The following FHIP2B variants were observed in gnomAD, a reference collection of about 807,000 sequenced individuals.
FHIP2B encodes the protein FHF complex subunit HOOK interacting protein 2B.
Under a neutral mutation model 84.0 loss-of-function variants are expected in FHIP2B, and 72 were observed. The ratio of observed to expected loss-of-function variants is 0.86; its 90% CI spans 0.71 to 1.04. FHIP2B has a LOEUF of 1.04. Ranked by LOEUF, FHIP2B falls within the 50% of genes least tolerant of loss-of-function variation. FHIP2B has a pLI of 0.00. For synonymous variants in FHIP2B, 497 were observed against 418.7 expected, an observed-to-expected ratio of 1.19 and a Z score of -2.28; for missense variants, 972 against 968.9, an observed-to-expected ratio of 1.00 and a Z score of -0.04.
At chr8:22,089,888 C>G (rs1032043229) in intron 1 of FHIP2B, 21 of 1,238,756 alleles carry the variant, frequency 1.7e-5, no homozygotes, top group Non-Finnish European at 2.1e-5. Context: ...GGGCCCCCAG[C>G]CGGGGAAATC....
chr8:22,090,052 C>T (rs1825392921), intron 1 of FHIP2B, among the ~76,000 whole-genome samples: 1 of 145,992 alleles, frequency 6.8e-6, no homozygotes, highest in African/African-American at 2.5e-5. Flanking sequence ...GTGTTTTTGC[C>T]ATTTTTTGTT....
At chr8:22,094,396 G>A (rs765044215) in intron 1 of FHIP2B, 44 bp from the exon 2 acceptor site, 1 of 1,549,678 alleles carries the variant, frequency 6.5e-7, no homozygotes, top group Admixed American at 2.0e-5. Context: ...GGGGCTCCCT[G>A]GCCTTTGTGG....
chr8:22,102,362 G>GA, intron 15 of FHIP2B, 47 bp downstream of exon 15: 1 of 1,459,626 alleles, frequency 6.9e-7, no homozygotes. Context: ...AGGTGGAGGG[G>GA]ACATCAGGGA....
chr8:22,102,888 A>G lies in FHIP2B; in HGVS notation c.2189A>G (p.Asp730Gly), dbSNP rs770581738. The G allele has an allele frequency of 1.2e-6, 2 of 1,613,486 alleles. No individual in the cohort carries two copies. Among genetic ancestry groups the G allele is most frequent in the Admixed American group, 3.3e-5 (2 of 60,002 alleles). Residue 730 changes from aspartate to glycine, a missense_variant, in exon 17 of 17, where the codon GAT becomes GGT. By Grantham distance (94) the Asp-to-Gly change is moderately conservative. Coordinates refer to ENST00000289921, the MANE Select transcript of FHIP2B (RefSeq NM_022749.7). ...AIAFVKFPPH[D>G]PRQNVSPAPE... ...GCCTTCGTCAAGTTTCCCCCACATG[A>G]TCCTCGCCAGAACGTCTCCCCAGCC...
chr8:22,098,996 C>G lies in FHIP2B; in HGVS notation c.1014C>G (p.Ala338=). The G allele has an allele frequency of 9.3e-6, 15 of 1,608,592 alleles. 1 individual carries two copies. Among genetic ancestry groups the G allele is most frequent in the Non-Finnish European group, 1.2e-5 (14 of 1,177,504 alleles). ...AGGCTTCCTTCCCTGGCAAGGAGGC[C>G]TTGGCTGCCTTCTTGGGCTGGTTTG... is the stretch of plus-strand genomic sequence containing the variant. ...SDEASFPGKE[A]LAAFLGWFDY... The change falls in exon 8 of 17, where the codon GCC becomes GCG. Residue 338 remains alanine, a synonymous_variant. Transcript: ENST00000289921.
intron 1 of FHIP2B, among the ~76,000 whole-genome samples, chr8:22,091,016 G>C (rs966795487): frequency 1.3e-5 from 2 of 152,044 alleles, no homozygotes; most frequent in African/African-American, 4.8e-5. Context: ...GTGATCTTCC[G>C]GGCCCTTTAG....
chr8:22,094,463 G>A lies in FHIP2B; in HGVS notation c.69G>A (p.Leu23=), dbSNP rs1434385889. ...VGAREPSIDL[L]QAFVEHWKGI... is the part of the protein sequence containing the mutation. ...AGCGCGAGCCCAGCATTGACCTGCT[G>A]CAGGCCTTCGTGGAGCACTGGAAGG... Residue 23 remains leucine, a synonymous_variant, in exon 2 of 17, where the codon CTG becomes CTA. Transcript: ENST00000289921. 6.2e-7 allele frequency: 1 copy of A among 1,611,248 alleles called. No individual in the cohort carries two copies. Among genetic ancestry groups the A allele is most frequent in the African/African-American group, 1.3e-5 (1 of 74,682 alleles).
At chr8:22,098,693 TC>T (rs1262676208) in intron 7 of FHIP2B, 74 bp downstream of exon 7, 1 of 1,415,974 alleles carries the variant, frequency 7.1e-7, no homozygotes, top group Non-Finnish European at 9.4e-7. Flanking sequence ...GGTGGCCAGC[TC>T]CCCTGGGGTT....
At chr8:22,097,475 A>G (rs1387615889) in intron 3 of FHIP2B, 41 bp from the exon 4 acceptor site, 2 of 1,505,916 alleles carry the variant, frequency 1.3e-6, no homozygotes, top group Non-Finnish European at 1.8e-6. Context: ...TGCGGCAGGC[A>G]GGGGACACGG....
At chr8:22,089,746 G>T (rs1402733687) in intron 1 of FHIP2B, 3 of 1,259,810 alleles carry the variant, frequency 2.4e-6, no homozygotes, top group Non-Finnish European at 3.1e-6. Flanking sequence ...CCTTCCCCTC[G>T]GTCTGATCTC....
rs1049689528 is a variant in FHIP2B, at chr8:22,099,647, C to T, written c.1152-57C>T. ...GGCAAGCAGGAAGGGTTCGGCCACC[C>T]GCACTCATGTGCTGTCTGCACACAC... On this transcript the variant is annotated intron_variant, in intron 9 of 16. Coordinates refer to ENST00000289921, the MANE Select transcript of FHIP2B (RefSeq NM_022749.7). 40 of 1,505,000 alleles carry T rather than the reference C, an allele frequency of 2.7e-5. No individual in the cohort carries two copies. In the Admixed American group the frequency reaches 4.1e-4, roughly 15 times the overall value. The allele number at this position is 1,505,000 out of a possible 1,614,324, so 93.2% of individuals were successfully genotyped here.
At chr8:22,090,081 G>A (rs1315392180) in intron 1 of FHIP2B, among the ~76,000 whole-genome samples, 3 of 143,966 alleles carry the variant, frequency 2.1e-5, no homozygotes, top group Non-Finnish European at 4.5e-5. Context: ...AGGCTGGCAG[G>A]CAGCCTACTA....
chr8:22,093,166 G>A (rs896639862), intron 1 of FHIP2B, among the ~76,000 whole-genome samples: 2 of 152,160 alleles, frequency 1.3e-5, no homozygotes, highest in Non-Finnish European at 2.9e-5. Flanking sequence ...GGACTTTCAC[G>A]ATCCAGACAG....
At position 22,100,659 on chromosome 8, in the gene FHIP2B, C is replaced by G. The variant is rs751151199; in HGVS notation, c.1407C>G (p.His469Gln). The G allele has an allele frequency of 6.2e-7, 1 of 1,605,394 alleles. No individual in the cohort carries two copies. Among genetic ancestry groups the G allele is most frequent in the Non-Finnish European group, 8.5e-7 (1 of 1,175,278 alleles). ...LLQKPHEGII[H>Q]SLVLRNLEGR... ...AGAAGCCCCACGAGGGGATCATCCA[C>G]AGCCTGGTCCTGCGCAACCTTGAGG... Residue 469 changes from histidine to glutamine, a missense_variant, in exon 11 of 17, where the codon CAC becomes CAG. His to Gln is a conservative substitution (Grantham distance 24). Transcript: ENST00000289921.
intron 1 of FHIP2B, chr8:22,089,800 C>T (rs1180135315): frequency 7.8e-6 from 10 of 1,286,420 alleles, no homozygotes; most frequent in African/African-American, 1.5e-5. Context: ...ACGCCCTTCC[C>T]GTCACCCCGG....
intron 1 of FHIP2B, chr8:22,089,648 C>T: frequency 1.6e-6 from 1 of 619,164 alleles, no homozygotes; most frequent in Non-Finnish European, 2.4e-6. Context: ...CCCCGGGGCC[C>T]TAGGCCGCCT....
In FHIP2B at chr8:22,102,595, G is replaced by T; in HGVS notation, c.2060G>T (p.Arg687Leu). ...TTCCCAGGCAAGCTGCTCCTGGTGCGCAAGCAGTTGACGGGCCAGGCTCCT... is the reference window on the plus strand; with the variant it reads ...TTCCCAGGCAAGCTGCTCCTGGTGCTCAAGCAGTTGACGGGCCAGGCTCCT... ...PQFPGKLLLV[R>L]KQLTGQAPGE... The change falls in exon 16 of 17, where the codon CGC (arginine) becomes CTC (leucine). Residue 687 changes from arginine to leucine, a missense_variant. Arg to Leu is a moderately radical substitution (Grantham distance 102). Transcript: ENST00000289921. 1 of 1,563,728 alleles carries T rather than the reference G, an allele frequency of 6.4e-7. No homozygotes were observed. The highest frequency in any genetic ancestry group is 8.7e-7 in the Non-Finnish European group (1 of 1,154,386).
In FHIP2B at chr8:22,098,208, C is replaced by T; in HGVS notation, c.666C>T (p.Ala222=). The change falls in exon 6 of 17, where the codon GCC becomes GCT. Residue 222 remains alanine, a synonymous_variant. Transcript: ENST00000289921. ...AGCTGGACGGGGAGTCCTGTGGGGC[C>T]CAGGCCTTGAACAGCCACATGCCTG... is the stretch of plus-strand genomic sequence containing the variant. ...RPQLDGESCG[A]QALNSHMPAE... is the part of the protein sequence containing the mutation. 6.3e-7 allele frequency: 1 copy of T among 1,582,606 alleles called. No individual in the cohort carries two copies. The highest frequency in any genetic ancestry group is 2.3e-5 in the East Asian group (1 of 43,218).
Position 22,101,717 on chromosome 8 carries a change from T to TGCAGCTCCCGCGTC in FHIP2B, c.1720_1733dup (p.Ser579AlafsTer11). On this transcript the variant is annotated frameshift_variant, in exon 14 of 17. Transcript: ENST00000289921. LOFTEE classifies it high-confidence loss of function. ...TTCCCGCCTGTCTCAGTTCCAGGAG[T>TGCAGCTCCCGCGTC]GCAGCTCCCGCGTCGCCTCCTGGGG... 6.2e-7 allele frequency: 1 copy of TGCAGCTCCCGCGTC among 1,611,026 alleles called. No individual in the cohort carries two copies. Among genetic ancestry groups the TGCAGCTCCCGCGTC allele is most frequent in the Non-Finnish European group, 8.5e-7 (1 of 1,178,478 alleles).
Sources: gnomAD v4.1 joint callset for allele counts (sites outside exome capture counted in the v4.1 genomes callset) on GRCh38, gnomAD v4.1.1 for gene constraint, MANE v1.5 for transcripts, NCBI Gene and HGNC (gene_info 2026-07-23, HGNC 2026-07-21) for gene names.